The following IGSF11 variants were observed in gnomAD, a reference collection of about 807,000 sequenced individuals.
IGSF11 encodes CXADR like 1.
Under a neutral mutation model 41.0 loss-of-function variants are expected in IGSF11, and 22 were observed. That is an observed-to-expected ratio of 0.54 (90% CI 0.38 to 0.77). The LOEUF (loss-of-function observed/expected upper bound fraction) is 0.77, where lower values mean the gene tolerates loss of function less well. Among genes scored for constraint, IGSF11 ranks in the 30% least tolerant of loss-of-function variants. The pLI is 0.00. For missense variants in IGSF11, 444 were observed against 530.8 expected (o/e 0.84, Z 1.61); for synonymous variants, 219 against 201.3 (o/e 1.09, Z -0.74).
chr3:118,917,439 C>A (rs1469805107), intron 4 of IGSF11, among the ~76,000 whole-genome samples: 1 of 147,242 alleles, frequency 6.8e-6, no homozygotes, highest in Non-Finnish European at 1.5e-5. Flanking sequence ...CCACCGATCC[C>A]ACAGAAATAC....
chr3:119,143,539 G>T (rs1203869873), intron 1 of IGSF11, among the ~76,000 whole-genome samples: 2 of 151,978 alleles, frequency 1.3e-5, no homozygotes, highest in African/African-American at 4.8e-5. Context: ...TAAACACAAA[G>T]GATGGTAGTA....
At chr3:119,051,625 G>T (rs1354488546) in intron 1 of IGSF11, among the ~76,000 whole-genome samples, 1 of 152,024 alleles carries the variant, frequency 6.6e-6, no homozygotes, top group Non-Finnish European at 1.5e-5. Context: ...TAGAACAAAT[G>T]GACTTAACAG....
chr3:118,960,475 C>T (rs974612926), intron 1 of IGSF11, among the ~76,000 whole-genome samples: 3 of 152,014 alleles, frequency 2.0e-5, no homozygotes, highest in African/African-American at 4.8e-5. Context: ...TTATCATATA[C>T]GTATGTATAA....
intron 1 of IGSF11, among the ~76,000 whole-genome samples, chr3:119,121,253 A>G (rs557727157): frequency 6.6e-6 from 1 of 152,316 alleles, no homozygotes; most frequent in East Asian, 1.9e-4. Context: ...GCAGAAAAAG[A>G]TGTTAAATTA....
chr3:119,138,657 C>T (rs2077596645), intron 1 of IGSF11, among the ~76,000 whole-genome samples: 1 of 152,140 alleles, frequency 6.6e-6, no homozygotes. Context: ...TGCACTACAG[C>T]CTGGGCAACA....
At chr3:118,913,880 C>A (rs997402813) in intron 4 of IGSF11, among the ~76,000 whole-genome samples, 1 of 152,184 alleles carries the variant, frequency 6.6e-6, no homozygotes, top group East Asian at 1.9e-4. Flanking sequence ...AATACAAACA[C>A]AGAAATTAAA....
intron 1 of IGSF11, among the ~76,000 whole-genome samples, chr3:119,072,504 T>C (rs1448080319): frequency 1.3e-5 from 2 of 152,214 alleles, no homozygotes; most frequent in African/African-American, 4.8e-5. Flanking sequence ...TTAAAGATGA[T>C]GTGTCCGGAG....
At chr3:118,989,576 G>C (rs576526541) in intron 1 of IGSF11, among the ~76,000 whole-genome samples, 1 of 151,990 alleles carries the variant, frequency 6.6e-6, no homozygotes. Flanking sequence ...GGATGGTCTC[G>C]AACTCCTGAC....
At chr3:118,987,860 C>T (rs1392461331) in intron 1 of IGSF11, among the ~76,000 whole-genome samples, 1 of 152,198 alleles carries the variant, frequency 6.6e-6, no homozygotes, top group Non-Finnish European at 1.5e-5. Flanking sequence ...CTAAGGAGAA[C>T]AATGAATGAA....
At chr3:118,951,690 A>C (rs989213101) in intron 1 of IGSF11, among the ~76,000 whole-genome samples, 1 of 152,134 alleles carries the variant, frequency 6.6e-6, no homozygotes, top group Non-Finnish European at 1.5e-5. Flanking sequence ...CACCCCCCAG[A>C]CACCAAAATC....
Position 119,029,237 on chromosome 3 carries a change from TACACACAC to T in IGSF11, c.52+5286_52+5293del, listed in dbSNP as rs10662902. Among the ~76,000 whole-genome samples, 329 of 123,184 alleles carry T rather than the reference TACACACAC, an allele frequency of 2.7e-3. 4 individuals carry two copies. The East Asian group carries it at 0.035, about 13-fold the overall frequency. 80.8% of individuals were successfully genotyped at this position (123,184 alleles called of 152,430 possible). A position where few individuals can be genotyped will look rare whatever the true frequency, so the allele number is the denominator to read the frequency against. Reference sequence around the variant, plus strand: ...TAGACATGGTACTGCCTTTTGGGAATACACACACACACACACACACACACACACACACA... The same window carrying T: ...TAGACATGGTACTGCCTTTTGGGAATACACACACACACACACACACACACA... On this transcript the variant is annotated intron_variant, in intron 1 of 6. Transcript: ENST00000393775.
intron 4 of IGSF11, among the ~76,000 whole-genome samples, chr3:118,906,732 A>G (rs1039145997): frequency 3.0e-4 from 46 of 152,244 alleles, no homozygotes; most frequent in Non-Finnish European, 1.5e-4. Flanking sequence ...ATTTATTCCT[A>G]TAAAATACAA....
chr3:118,951,576 A>G (rs1198610245), intron 1 of IGSF11, among the ~76,000 whole-genome samples: 1 of 152,182 alleles, frequency 6.6e-6, no homozygotes, highest in African/African-American at 2.4e-5. Flanking sequence ...ACTAATAATA[A>G]TATCTATCCC....
chr3:119,084,951 G>A (rs1332457200), intron 1 of IGSF11, among the ~76,000 whole-genome samples: 1 of 152,200 alleles, frequency 6.6e-6, no homozygotes, highest in East Asian at 1.9e-4. Context: ...GAGTCACACA[G>A]GTTCACAGGC....
At chr3:119,041,538 T>C (rs905991794) in intron 1 of IGSF11, among the ~76,000 whole-genome samples, 4 of 152,022 alleles carry the variant, frequency 2.6e-5, no homozygotes, top group Non-Finnish European at 4.4e-5. Flanking sequence ...TGAGCCGAGA[T>C]CATGCCACCA....
At chr3:119,117,926 C>T (rs2107527051) in intron 1 of IGSF11, among the ~76,000 whole-genome samples, 1 of 152,318 alleles carries the variant, frequency 6.6e-6, no homozygotes, top group East Asian at 1.9e-4. Flanking sequence ...AAAATGATCT[C>T]CTATGACTCC....
chr3:119,050,403 C>T (rs1177236874), intron 1 of IGSF11, among the ~76,000 whole-genome samples: 1 of 152,168 alleles, frequency 6.6e-6, no homozygotes, highest in Admixed American at 6.5e-5. Context: ...AAATGCTGAC[C>T]ATCACTAGCC....
chr3:119,143,758 C>G (rs928522430), intron 1 of IGSF11, among the ~76,000 whole-genome samples: 3 of 151,930 alleles, frequency 2.0e-5, no homozygotes, highest in African/African-American at 7.3e-5. Context: ...GAAAATACAA[C>G]TAGGGAAAAA....
chr3:118,954,949 G>C (rs910349766), intron 1 of IGSF11, among the ~76,000 whole-genome samples: 1 of 152,124 alleles, frequency 6.6e-6, no homozygotes, highest in African/African-American at 2.4e-5. Context: ...TTACACTCCT[G>C]CTGGGAATGT....
Sources: allele counts gnomAD v4.1 joint callset (sites outside exome capture counted in the v4.1 genomes callset), GRCh38; gene constraint gnomAD v4.1.1; transcripts MANE v1.5; gene names NCBI Gene and HGNC (gene_info 2026-07-23, HGNC 2026-07-21).